Variants in CADPS observed in about 807,000 individuals in gnomAD.
CADPS encodes calcium-dependent secretion activator 1.
Under a neutral mutation model 167.3 loss-of-function variants are expected in CADPS, and 57 were observed. The observed-to-expected ratio is 0.34, with a 90% CI of 0.28 to 0.42. The LOEUF is 0.42. Ranked by LOEUF, CADPS falls within the 20% of genes least tolerant of loss-of-function variation. CADPS has a pLI of 1.00. For synonymous variants in CADPS, 676 were observed against 635.3 expected, an observed-to-expected ratio of 1.06 and a Z score of -0.96; for missense variants, 1,414 against 1,738.1, an observed-to-expected ratio of 0.81 and a Z score of 3.32.
intron 13 of CADPS, among the ~76,000 whole-genome samples, chr3:62,527,382 G>C (rs1484677539): frequency 6.6e-6 from 1 of 151,406 alleles, no homozygotes; most frequent in Admixed American, 6.6e-5. Context: ...GACAAAAATG[G>C]CACCACTCCA....
At chr3:62,731,805 C>CAAAAAAAAAAAAAAAAAAAAAAAATAA in intron 3 of CADPS, among the ~76,000 whole-genome samples, 1 of 27,138 alleles carries the variant, frequency 3.7e-5, no homozygotes, top group Non-Finnish European at 6.4e-5. Context: ...TGATCATATG[C>CAAAAAAAAAAAAAAAAAAAAAAAATAA]AAAAAAAAAA....
At chr3:62,725,556 G>T (rs1180388981) in intron 3 of CADPS, among the ~76,000 whole-genome samples, 2 of 152,014 alleles carry the variant, frequency 1.3e-5, no homozygotes, top group Non-Finnish European at 2.9e-5. Flanking sequence ...CTCAACCATT[G>T]AAGCAAGAAT....
At chr3:62,434,528 T>C (rs1426745027) in intron 28 of CADPS, among the ~76,000 whole-genome samples, 1 of 152,176 alleles carries the variant, frequency 6.6e-6, no homozygotes, top group African/African-American at 2.4e-5. Flanking sequence ...ACCTAGAGAA[T>C]GCTTGGTTAA....
intron 26 of CADPS, among the ~76,000 whole-genome samples, chr3:62,464,987 G>C (rs2059780416): frequency 6.6e-6 from 1 of 152,170 alleles, no homozygotes; most frequent in Non-Finnish European, 1.5e-5. Context: ...AGGACTGAGT[G>C]CAGGTCTTCA....
chr3:62,427,165 T>C (rs1553724564), intron 28 of CADPS, among the ~76,000 whole-genome samples: 1 of 152,140 alleles, frequency 6.6e-6, no homozygotes, highest in Non-Finnish European at 1.5e-5. Context: ...TGAGTTTTTG[T>C]TGAAGCATTA....
chr3:62,482,777 A>C (rs2062195381), intron 21 of CADPS, among the ~76,000 whole-genome samples: 1 of 152,214 alleles, frequency 6.6e-6, no homozygotes, highest in Non-Finnish European at 1.5e-5. Flanking sequence ...GATGGCTTAC[A>C]TGGGTGTGTG....
intron 2 of CADPS, among the ~76,000 whole-genome samples, chr3:62,762,238 C>A (rs1401095516): frequency 3.3e-5 from 5 of 151,982 alleles, no homozygotes; most frequent in Admixed American, 3.3e-4. Context: ...ACTACAGATA[C>A]AAAATATAAA....
At chr3:62,807,263 CTT>C (rs1173087995) in intron 1 of CADPS, among the ~76,000 whole-genome samples, 17 of 141,072 alleles carry the variant, frequency 1.2e-4, no homozygotes, top group Middle Eastern at 3.6e-3. Context: ...ATCAAATTTC[CTT>C]TTTTTTTTTT....
At chr3:62,662,513 A>T (rs2150498543) in intron 3 of CADPS, 119 bp from the exon 4 acceptor site, 2 of 797,366 alleles carry the variant, frequency 2.5e-6, no homozygotes, top group Non-Finnish European at 4.1e-6. Flanking sequence ...AGTTAAAAAA[A>T]AATTCTTATA....
intron 24 of CADPS, chr3:62,466,767 A>G (rs2150402121): frequency 4.0e-6 from 1 of 249,970 alleles, no homozygotes; most frequent in South Asian, 5.1e-5. Context: ...AACACAGGAG[A>G]TTAAAAATTA....
intron 26 of CADPS, among the ~76,000 whole-genome samples, chr3:62,449,294 T>C (rs1171470789): frequency 1.3e-5 from 2 of 152,204 alleles, no homozygotes; most frequent in Non-Finnish European, 2.9e-5. Context: ...TCTTTGGATT[T>C]GTTTCTTTAC....
intron 11 of CADPS, among the ~76,000 whole-genome samples, chr3:62,545,072 T>A (rs534583214): frequency 6.6e-6 from 1 of 152,140 alleles, no homozygotes; most frequent in South Asian, 2.1e-4. Context: ...GTTGAAGACG[T>A]TCAGGTGGTA....
intron 10 of CADPS, among the ~76,000 whole-genome samples, chr3:62,552,385 AAAATTAGTGAGAAGTAGGTGG>A (rs2077457003): frequency 6.6e-6 from 1 of 152,208 alleles, no homozygotes; most frequent in South Asian, 2.1e-4. Context: ...TAAAAAATAA[AAAATTAGTGAGAAGTAGGTGG>A]AAACTTCTCT....
At chr3:62,454,132 C>G (rs147735415) in intron 26 of CADPS, among the ~76,000 whole-genome samples, 247 of 152,264 alleles carry the variant, frequency 1.6e-3, no homozygotes, top group African/African-American at 5.6e-3. Flanking sequence ...TAAGGTTTCT[C>G]TAAGTTGCCT....
At chr3:62,614,461 C>A (rs931032572) in intron 6 of CADPS, among the ~76,000 whole-genome samples, 1 of 152,134 alleles carries the variant, frequency 6.6e-6, no homozygotes, top group Non-Finnish European at 1.5e-5. Context: ...AGGCAAGGAC[C>A]TGGCCACTAT....
Position 62,532,910 on chromosome 3 carries a change from T to G in CADPS, c.2252A>C (p.Tyr751Ser). 1 of 1,613,598 alleles carries G rather than the reference T, an allele frequency of 6.2e-7. No individual in the cohort carries two copies. The highest frequency in any genetic ancestry group is 1.7e-4 in the Middle Eastern group (1 of 6,052). Reference protein sequence around the residue: ...GAMIDPTLLHYSFAFCASHVH... With the variant: ...GAMIDPTLLHSSFAFCASHVH... ...ATGGGATGCACAGAAGGCAAAGCTG[T>G]AGTGAAGAAGGGTGGGGTCGATCAT... is the stretch of plus-strand genomic sequence containing the variant. The change falls in exon 13 of 30, where the codon TAC becomes TCC. Residue 751 changes from tyrosine (Y) to serine (S), a missense_variant. Tyr to Ser is a moderately radical substitution (Grantham distance 144). This residue lies in a region of CADPS where 529 missense variants were observed against 629.6 expected (regional missense o/e 0.84). Transcript: ENST00000383710.
rs1439844734 is a variant in CADPS, at chr3:62,465,723, T to C, written c.3553-273A>G. On this transcript the variant is annotated intron_variant, in intron 25 of 29. Transcript: ENST00000383710. The surrounding 1 kb of genome is among the most constrained non-coding windows in gnomAD (Gnocchi z 4.1). ...AAATATTATTGAGTTGCATATAGCA[T>C]GCGATAATATTAAATGCACTTTTTA... Among the ~76,000 whole-genome samples, 1 of 152,248 alleles carries C rather than the reference T, an allele frequency of 6.6e-6. No homozygotes were observed. Among genetic ancestry groups the C allele is most frequent in the Non-Finnish European group, 1.5e-5 (1 of 68,046 alleles).
chr3:62,667,252 C>A (rs1563586504), intron 3 of CADPS, among the ~76,000 whole-genome samples: 1 of 152,050 alleles, frequency 6.6e-6, no homozygotes, highest in Non-Finnish European at 1.5e-5. Flanking sequence ...ATAGAGTTAT[C>A]CCCTATTTTA....
intron 26 of CADPS, among the ~76,000 whole-genome samples, chr3:62,450,181 T>A (rs1004667357): frequency 1.3e-5 from 2 of 152,184 alleles, no homozygotes; most frequent in Non-Finnish European, 2.9e-5. Flanking sequence ...TCTGAGCTGA[T>A]TCTCAGTCTG....
Sources: allele counts gnomAD v4.1 joint callset (sites outside exome capture counted in the v4.1 genomes callset), GRCh38; gene constraint gnomAD v4.1.1; regional missense constraint gnomAD v4.1.1; non-coding constraint Gnocchi (gnomAD v3.1); transcripts MANE v1.5; gene names NCBI Gene and HGNC (gene_info 2026-07-23, HGNC 2026-07-21).